The following PSMD1 variants were observed in gnomAD, a reference collection of about 807,000 sequenced individuals.
PSMD1 encodes 26S proteasome non-ATPase regulatory subunit 1.
Under a neutral mutation model 119.0 loss-of-function variants are expected in PSMD1, and 18 were observed. That is an observed-to-expected ratio of 0.15 (90% CI 0.10 to 0.22). The LOEUF is 0.22. Ranked by LOEUF, PSMD1 falls within the 10% of genes least tolerant of loss-of-function variation. The pLI is 1.00. For synonymous variants in PSMD1, 374 were observed against 396.6 expected, an observed-to-expected ratio of 0.94 and a Z score of 0.68; for missense variants, 702 against 1,158.5, an observed-to-expected ratio of 0.61 and a Z score of 5.72.
Position 231,083,727 on chromosome 2 carries a change from G to A in PSMD1, c.1686G>A (p.Glu562=). The A allele has an allele frequency of 6.2e-7, 1 of 1,614,162 alleles. No homozygotes were observed. Among genetic ancestry groups the A allele is most frequent in the Non-Finnish European group, 8.5e-7 (1 of 1,180,032 alleles). Reference sequence around the variant, plus strand: ...TAGTAATGTATGGGAGGATGGAAGAGGCTGATGCTCTCATTGAATCTCTCT... The same window carrying A: ...TAGTAATGTATGGGAGGATGGAAGAAGCTGATGCTCTCATTGAATCTCTCT... ...IALVMYGRME[E]ADALIESLCR... The change falls in exon 14 of 25, where the codon GAG becomes GAA. Residue 562 remains glutamate, a synonymous_variant. Coordinates refer to ENST00000308696, the MANE Select transcript of PSMD1 (RefSeq NM_002807.4).
At chr2:231,108,856 G>A (rs1420739620) in intron 16 of PSMD1, 3 of 1,614,126 alleles carry the variant, frequency 1.9e-6, no homozygotes, top group South Asian at 1.1e-5. Flanking sequence ...AGGAAACATA[G>A]CCTATCCACA....
At chr2:231,124,063 TTC>T (rs539375848) in intron 16 of PSMD1, 190 of 312,004 alleles carry the variant, frequency 6.1e-4, no homozygotes, top group Middle Eastern at 1.1e-3. Context: ...TATTTTTAGT[TTC>T]TCTCTCTCTC....
intron 8 of PSMD1, among the ~76,000 whole-genome samples, chr2:231,076,152 T>G (rs1318358177): frequency 6.6e-6 from 1 of 152,216 alleles, no homozygotes; most frequent in East Asian, 1.9e-4. Flanking sequence ...AACTTCAAAT[T>G]ACCTATCACA....
chr2:231,087,919 G>A (rs1167945606), intron 16 of PSMD1, among the ~76,000 whole-genome samples: 3 of 151,368 alleles, frequency 2.0e-5, no homozygotes, highest in East Asian at 1.9e-4. Context: ...CCGAGATCGC[G>A]CCACTGCACT....
chr2:231,110,253 G>A (rs1004475851), intron 16 of PSMD1, among the ~76,000 whole-genome samples: 5 of 151,922 alleles, frequency 3.3e-5, no homozygotes, highest in African/African-American at 4.8e-5. Flanking sequence ...CCAGGAGGCC[G>A]AGGTTGCAGT....
chr2:231,163,860 A>G, intron 21 of PSMD1, 133 bp downstream of exon 21: 1 of 683,502 alleles, frequency 1.5e-6, no homozygotes, highest in Non-Finnish European at 2.4e-6. Context: ...TTACACAAGA[A>G]TATGAAGTGA....
At chr2:231,077,306 A>G (rs1334807623) in intron 9 of PSMD1, 144 bp downstream of exon 9, 20 of 660,906 alleles carry the variant, frequency 3.0e-5, no homozygotes, top group Non-Finnish European at 4.4e-5. Context: ...AAAAAATAGC[A>G]ATCAATTATC....
chr2:231,078,791 CTTTT>C (rs748353083), intron 10 of PSMD1, 44 bp downstream of exon 10: 2,121 of 339,146 alleles, frequency 6.3e-3, no homozygotes, highest in Middle Eastern at 7.0e-3. Context: ...AAATCTTTTT[CTTTT>C]TTTTTTTTTT....
chr2:231,171,963 G>A (rs1696924140), intron 24 of PSMD1, among the ~76,000 whole-genome samples: 1 of 152,126 alleles, frequency 6.6e-6, no homozygotes, highest in South Asian at 2.1e-4. Context: ...AGCAATTTAG[G>A]AAAGATTTGC....
intron 16 of PSMD1, among the ~76,000 whole-genome samples, chr2:231,121,608 A>G (rs1695546681): frequency 6.6e-6 from 1 of 152,196 alleles, no homozygotes; most frequent in African/African-American, 2.4e-5. Context: ...CATGGAATCT[A>G]TTAAACAGGT....
chr2:231,060,800 T>C (rs745411177), intron 1 of PSMD1, among the ~76,000 whole-genome samples: 3 of 152,238 alleles, frequency 2.0e-5, no homozygotes, highest in Non-Finnish European at 4.4e-5. Context: ...AATAATCTTA[T>C]AACTGTTGAT....
At chr2:231,166,172 T>C (rs1423946875) in intron 23 of PSMD1, among the ~76,000 whole-genome samples, 155 bp downstream of exon 23, 2 of 152,258 alleles carry the variant, frequency 1.3e-5, no homozygotes, top group Admixed American at 1.3e-4. Flanking sequence ...TTCTTTTCCA[T>C]TTCATATAGA....
intron 20 of PSMD1, among the ~76,000 whole-genome samples, chr2:231,162,837 AAAAG>A (rs759781122): frequency 0.01 from 1,529 of 151,172 alleles, 10 homozygotes; most frequent in Non-Finnish European, 0.016. Flanking sequence ...AAAAAAAAAA[AAAAG>A]AAAGAAAGAA....
chr2:231,062,240 T>C lies in PSMD1; in HGVS notation c.61-8T>C. On this transcript the variant is annotated splice_polypyrimidine_tract_variant and splice_region_variant and intron_variant, in intron 2 of 24. Coordinates refer to ENST00000308696, the MANE Select transcript of PSMD1 (RefSeq NM_002807.4). ...ATCTCAAAATAGGATTTTGGTTATC[T>C]TTTACAGGAATTTGCACTACACAAA... is the stretch of plus-strand genomic sequence containing the variant. 1 of 1,606,826 alleles carries C rather than the reference T, an allele frequency of 6.2e-7. No homozygotes were observed. The highest frequency in any genetic ancestry group is 8.5e-7 in the Non-Finnish European group (1 of 1,174,252).
chr2:231,123,923 A>G, intron 16 of PSMD1: 1 of 681,118 alleles, frequency 1.5e-6, no homozygotes, highest in Non-Finnish European at 2.7e-6. Context: ...GTTCTCTAAA[A>G]TGAGCGCATA....
intron 17 of PSMD1, among the ~76,000 whole-genome samples, chr2:231,139,558 TAAA>T (rs35924284): frequency 8.7e-6 from 1 of 114,346 alleles, no homozygotes; most frequent in Non-Finnish European, 1.7e-5. Flanking sequence ...ATTGATTTCT[TAAA>T]AAAAAAAAAA....
At chr2:231,147,661 T>C (rs17586449) in intron 18 of PSMD1, among the ~76,000 whole-genome samples, 2 of 152,144 alleles carry the variant, frequency 1.3e-5, no homozygotes, top group Non-Finnish European at 2.9e-5. Context: ...AGCATTGATA[T>C]ACTAAATAGA....
intron 23 of PSMD1, among the ~76,000 whole-genome samples, chr2:231,169,375 T>A (rs1696860833): frequency 6.6e-6 from 1 of 152,180 alleles, no homozygotes; most frequent in East Asian, 1.9e-4. Context: ...CTATGGAGGA[T>A]TAGGACAGTG....
intron 1 of PSMD1, among the ~76,000 whole-genome samples, chr2:231,059,107 A>G (rs981286530): frequency 1.3e-5 from 2 of 152,234 alleles, no homozygotes; most frequent in Non-Finnish European, 2.9e-5. Flanking sequence ...GAGTTTTTAA[A>G]GTAGAGGCGG....
Sources: gnomAD v4.1 joint callset for allele counts (sites outside exome capture counted in the v4.1 genomes callset) on GRCh38, gnomAD v4.1.1 for gene constraint, MANE v1.5 for transcripts, NCBI Gene and HGNC (gene_info 2026-07-23, HGNC 2026-07-21) for gene names.